The following SLIT3 variants were observed in gnomAD, a reference collection of about 807,000 sequenced individuals.
The protein encoded by SLIT3 is slit homolog 3 protein.
A neutral mutation model predicts 184.0 loss-of-function variants in SLIT3; 68 were observed. The observed-to-expected ratio is 0.37, with a 90% CI of 0.30 to 0.45. The LOEUF (loss-of-function observed/expected upper bound fraction) is 0.45. SLIT3 is among the 20% of genes least tolerant of loss of function. The probability of loss-of-function intolerance (pLI) is 1.00; values close to 1 mark genes in which losing one functional copy is unlikely to be tolerated. For missense variants in SLIT3, 1,707 were observed against 2,026.0 expected (o/e 0.84, Z 3.02); for synonymous variants, 831 against 828.6 (o/e 1.00, Z -0.05).
chr5:169,266,295 T>C (rs894683066), intron 1 of SLIT3, among the ~76,000 whole-genome samples: 3 of 152,226 alleles, frequency 2.0e-5, no homozygotes, highest in Non-Finnish European at 2.9e-5. Context: ...GAATACGGTA[T>C]GGCAAGGATA....
chr5:169,236,800 T>G (rs985625587), intron 3 of SLIT3, among the ~76,000 whole-genome samples: 34 of 152,188 alleles, frequency 2.2e-4, no homozygotes, highest in African/African-American at 8.2e-4. Flanking sequence ...GCATATTAAT[T>G]CATATAAATA....
chr5:169,063,289 C>CT (rs1758238616), intron 4 of SLIT3, among the ~76,000 whole-genome samples: 1 of 152,204 alleles, frequency 6.6e-6, no homozygotes, highest in Admixed American at 6.5e-5. Context: ...TTGATTGCTT[C>CT]TTACAGGCTT....
chr5:168,840,618 A>T (rs1434873685), intron 6 of SLIT3, among the ~76,000 whole-genome samples: 1 of 152,124 alleles, frequency 6.6e-6, no homozygotes, highest in Non-Finnish European at 1.5e-5. Flanking sequence ...GGCATATTCA[A>T]CTGCAGTATA....
At chr5:168,889,297 T>G (rs2113803738) in intron 4 of SLIT3, among the ~76,000 whole-genome samples, 1 of 152,304 alleles carries the variant, frequency 6.6e-6, no homozygotes, top group East Asian at 1.9e-4. Flanking sequence ...GCACCAAGCA[T>G]ATGTCCCAGC....
chr5:169,247,844 G>C (rs1765648714), intron 2 of SLIT3, among the ~76,000 whole-genome samples: 1 of 152,078 alleles, frequency 6.6e-6, no homozygotes. Context: ...GGCTGGTCTT[G>C]AACTCCTGAG....
At chr5:168,688,160 GCA>G (rs1298999010) in intron 29 of SLIT3, among the ~76,000 whole-genome samples, 1 of 152,224 alleles carries the variant, frequency 6.6e-6, no homozygotes, top group Non-Finnish European at 1.5e-5. Flanking sequence ...GCACCCACAG[GCA>G]CATATAAGCA....
chr5:169,171,229 T>G (rs1208317427), intron 4 of SLIT3, among the ~76,000 whole-genome samples: 1 of 152,202 alleles, frequency 6.6e-6, no homozygotes, highest in Non-Finnish European at 1.5e-5. Context: ...AGCATTGTAC[T>G]CAACACTTTG....
intron 5 of SLIT3, among the ~76,000 whole-genome samples, chr5:168,861,155 G>T (rs530184488): frequency 6.6e-6 from 1 of 152,176 alleles, no homozygotes; most frequent in East Asian, 1.9e-4. Context: ...TGTGCACAAC[G>T]TGCAGGTTTG....
intron 4 of SLIT3, among the ~76,000 whole-genome samples, chr5:169,091,586 A>C (rs573379228): frequency 6.6e-6 from 1 of 152,230 alleles, no homozygotes; most frequent in African/African-American, 2.4e-5. Flanking sequence ...CTACCTTGAC[A>C]ATCACTGAAG....
chr5:168,956,458 C>A (rs185147842), intron 4 of SLIT3, among the ~76,000 whole-genome samples: 255 of 152,254 alleles, frequency 1.7e-3, no homozygotes, highest in Non-Finnish European at 2.9e-3. Context: ...AATCAAATTA[C>A]CTTTTACCTA....
At chr5:168,862,767 C>A (rs991705888) in intron 5 of SLIT3, among the ~76,000 whole-genome samples, 1 of 152,072 alleles carries the variant, frequency 6.6e-6, no homozygotes, top group East Asian at 1.9e-4. Flanking sequence ...CTCTGCCTCC[C>A]AGGATCAAGT....
At chr5:168,834,852 C>T (rs1757995677) in intron 6 of SLIT3, among the ~76,000 whole-genome samples, 1 of 151,962 alleles carries the variant, frequency 6.6e-6, no homozygotes. Flanking sequence ...GGGAAGCAGA[C>T]CTGGTGGGAG....
At chr5:168,687,970 C>A (rs1024051189) in intron 29 of SLIT3, among the ~76,000 whole-genome samples, 1 of 152,222 alleles carries the variant, frequency 6.6e-6, no homozygotes, top group African/African-American at 2.4e-5. Context: ...ATTATTGCCC[C>A]TTCTAGACAA....
At chr5:168,809,641 A>G (rs1356059435) in intron 8 of SLIT3, among the ~76,000 whole-genome samples, 2 of 152,202 alleles carry the variant, frequency 1.3e-5, no homozygotes, top group African/African-American at 4.8e-5. Flanking sequence ...TGTAAATTCC[A>G]TAATGGCAGT....
At chr5:168,866,405 G>T (rs1759302570) in intron 5 of SLIT3, among the ~76,000 whole-genome samples, 1 of 152,174 alleles carries the variant, frequency 6.6e-6, no homozygotes, top group Non-Finnish European at 1.5e-5. Flanking sequence ...CTCCTTGCCT[G>T]ACAACATTCT....
intron 5 of SLIT3, among the ~76,000 whole-genome samples, chr5:168,875,774 A>G (rs1281799268): frequency 6.6e-6 from 1 of 151,796 alleles, no homozygotes; most frequent in Non-Finnish European, 1.5e-5. Context: ...AAGAGGGAGG[A>G]AAAAAAGGAA....
rs1482738767 is a variant in SLIT3, at chr5:168,710,897, T to C, written c.2717A>G (p.Lys906Arg). 6.5e-7 allele frequency: 1 copy of C among 1,539,728 alleles called. No individual in the cohort carries two copies. The highest frequency in any genetic ancestry group is 1.2e-5 in the South Asian group (1 of 81,840). The change falls in exon 25 of 36, where the codon AAA becomes AGA. Residue 906 changes from lysine to arginine, a missense_variant and splice_region_variant. By Grantham distance (26) the Lys-to-Arg change is conservative (BLOSUM62 2). Transcript: ENST00000519560. ...LTTPTHRFQCKGPVDINIVAK... is the reference protein window; with the variant it reads ...LTTPTHRFQCRGPVDINIVAK... ...GGTGGGGTGTGGGCGTCACCTACCT[T>C]TGCACTGGAAGCGGTGGGTTGGGGT...
In SLIT3 at chr5:168,753,074, G is replaced by A. The variant is rs1276021613; in HGVS notation, c.1854C>T (p.Gly618=). 1.2e-6 allele frequency: 2 copies of A among 1,614,016 alleles called. No individual in the cohort carries two copies. Among genetic ancestry groups the A allele is most frequent in the African/African-American group, 2.7e-5 (2 of 74,922 alleles). Residue 618 remains glycine, a synonymous_variant, in exon 18 of 36, where the codon GGC becomes GGT. Transcript: ENST00000519560. ...KTLMLRSNLI[G]CVSNDTFAGL... Reference sequence around the variant, plus strand: ...CGGCAAAGGTGTCATTACTCACACAGCCGATCAAGTTACTCCTCAGCATCC... The same window carrying A: ...CGGCAAAGGTGTCATTACTCACACAACCGATCAAGTTACTCCTCAGCATCC...
At chr5:168,712,547 G>A in intron 23 of SLIT3, 193 bp from the exon 24 acceptor site, 1 of 588,750 alleles carries the variant, frequency 1.7e-6, no homozygotes, top group South Asian at 2.1e-5. Flanking sequence ...AGGATGGAGG[G>A]AGTAGAGGGT....
Sources: gnomAD v4.1 joint callset for allele counts (sites outside exome capture counted in the v4.1 genomes callset) on GRCh38, gnomAD v4.1.1 for gene constraint, MANE v1.5 for transcripts, NCBI Gene and HGNC (gene_info 2026-07-23, HGNC 2026-07-21) for gene names.